The following SYTL3 variants were observed in gnomAD, a reference collection of about 807,000 sequenced individuals.
SYTL3 encodes synaptotagmin-like protein 3.
Under a neutral mutation model 82.1 loss-of-function variants are expected in SYTL3, and 88 were observed. That is an observed-to-expected ratio of 1.07 (90% CI 0.90 to 1.28). SYTL3 has a LOEUF of 1.28. Ranked by LOEUF, SYTL3 falls within the 50% of genes most tolerant of loss-of-function variation. SYTL3 has a pLI of 0.00. For synonymous variants in SYTL3, 311 were observed against 289.4 expected (o/e 1.07, Z -0.76); for missense variants, 831 against 757.6 (o/e 1.10, Z -1.14).
chr6:158,747,400 C>T (rs768083612), intron 12 of SYTL3, among the ~76,000 whole-genome samples: 28 of 152,200 alleles, frequency 1.8e-4, no homozygotes, highest in Middle Eastern at 3.4e-3. Flanking sequence ...CTTGCTTTGT[C>T]ACCCAGCTTG....
intron 9 of SYTL3, among the ~76,000 whole-genome samples, chr6:158,716,430 C>T (rs1284491474): frequency 6.6e-6 from 1 of 152,166 alleles, no homozygotes; most frequent in Non-Finnish European, 1.5e-5. Flanking sequence ...TAGAGCCCCT[C>T]ACAGCCTCAC....
Position 158,713,846 on chromosome 6 carries a change from A to T in SYTL3, c.563A>T (p.Asn188Ile). 1 of 1,550,818 alleles carries T rather than the reference A, an allele frequency of 6.4e-7. No homozygotes were observed. Among genetic ancestry groups the T allele is most frequent in the Non-Finnish European group, 8.7e-7 (1 of 1,146,864 alleles). The change falls in exon 9 of 18, where the codon AAT (asparagine) becomes ATT (isoleucine). Residue 188 changes from asparagine to isoleucine, a missense_variant. Asn to Ile is a moderately radical substitution (Grantham distance 149). Transcript: ENST00000611299. ...AGAGGATTTAATAAGTCCGTGGAAA[A>T]TTTGTTTCTGTCTCTTGCTACCCAC... Reference protein sequence around the residue: ...QFRGFNKSVENLFLSLATHVK... With the variant: ...QFRGFNKSVEILFLSLATHVK...
At chr6:158,689,978 C>G (rs1426015270) in intron 6 of SYTL3, among the ~76,000 whole-genome samples, 1 of 152,182 alleles carries the variant, frequency 6.6e-6, no homozygotes, top group East Asian at 1.9e-4. Context: ...GAGGCCCTAT[C>G]TAATTTTTTT....
At position 158,763,510 on chromosome 6, in the gene SYTL3, G is replaced by C; in HGVS notation, c.1723+1G>C. On this transcript the variant is annotated splice_donor_variant, in intron 17 of 17. Coordinates refer to ENST00000611299, the MANE Select transcript of SYTL3 (RefSeq NM_001242394.2). LOFTEE classifies it high-confidence loss of function. ...CTTGGAGGAACCAGACTTGGTTCAA[G>C]TAAGTCTGAGACATTGAGCCCAAAC... The C allele has an allele frequency of 6.2e-7, 1 of 1,612,962 alleles. No homozygotes were observed. The highest frequency in any genetic ancestry group is 8.5e-7 in the Non-Finnish European group (1 of 1,178,974).
intron 6 of SYTL3, among the ~76,000 whole-genome samples, chr6:158,698,390 C>G (rs553816502): frequency 1.9e-5 from 2 of 106,360 alleles, no homozygotes; most frequent in African/African-American, 8.4e-5. Flanking sequence ...GAGTGAGACT[C>G]TGTCTCAAAA....
intron 2 of SYTL3, among the ~76,000 whole-genome samples, chr6:158,654,162 TC>T (rs1457847152): frequency 6.6e-6 from 1 of 152,152 alleles, no homozygotes; most frequent in Non-Finnish European, 1.5e-5. Context: ...CCCTCCCTGG[TC>T]CCACCAGCCC....
intron 12 of SYTL3, among the ~76,000 whole-genome samples, chr6:158,751,689 G>A (rs1788404381): frequency 6.6e-6 from 1 of 152,280 alleles, no homozygotes; most frequent in African/African-American, 2.4e-5. Flanking sequence ...ACACCCCCAG[G>A]AATATTCCAG....
intron 14 of SYTL3, among the ~76,000 whole-genome samples, chr6:158,760,218 C>T (rs1013145697): frequency 6.6e-6 from 1 of 152,214 alleles, no homozygotes; most frequent in Non-Finnish European, 1.5e-5. Flanking sequence ...CATGCTGTCC[C>T]CAGTGTCTGT....
At chr6:158,730,457 A>C (rs998293276) in intron 11 of SYTL3, among the ~76,000 whole-genome samples, 1 of 152,236 alleles carries the variant, frequency 6.6e-6, no homozygotes, top group Non-Finnish European at 1.5e-5. Flanking sequence ...GTTTCTAAAT[A>C]AACATTTTAC....
intron 10 of SYTL3, among the ~76,000 whole-genome samples, chr6:158,721,174 GC>G (rs1784069834): frequency 6.6e-6 from 1 of 152,136 alleles, no homozygotes; most frequent in Non-Finnish European, 1.5e-5. Flanking sequence ...CTTTCTGCAG[GC>G]CTTCTCTCTC....
In SYTL3 at chr6:158,682,999, C is replaced by G. The variant is rs1313544065; in HGVS notation, c.394+10C>G. 3.2e-6 allele frequency: 5 copies of G among 1,586,226 alleles called. No homozygotes were observed. The South Asian group carries it at 3.3e-5, about 11-fold the overall frequency. On this transcript the variant is annotated intron_variant, in intron 6 of 17. Transcript: ENST00000611299. ...AAATTTCCAACTGGAGGTAAATGCT[C>G]TTTACTTTTTTAGTAAAGTAAAATG...
chr6:158,649,685 G>C (rs1462154477), upstream of SYTL3, among the ~76,000 whole-genome samples: 1 of 152,206 alleles, frequency 6.6e-6, no homozygotes, highest in Non-Finnish European at 1.5e-5. Context: ...GCTGTTCTTT[G>C]AGATGTGGTT....
intron 13 of SYTL3, among the ~76,000 whole-genome samples, chr6:158,755,273 G>A (rs1788918965): frequency 6.6e-6 from 1 of 152,160 alleles, no homozygotes; most frequent in South Asian, 2.1e-4. Context: ...AGCCTGGGAG[G>A]TGCAGGCTGC....
intron 14 of SYTL3, among the ~76,000 whole-genome samples, chr6:158,760,046 G>A (rs1159464765): frequency 6.6e-6 from 1 of 152,146 alleles, no homozygotes; most frequent in African/African-American, 2.4e-5. Flanking sequence ...ACTGGGAGAA[G>A]GATGGTGTGG....
At chr6:158,695,362 A>G (rs2128429331) in intron 6 of SYTL3, among the ~76,000 whole-genome samples, 1 of 151,462 alleles carries the variant, frequency 6.6e-6, no homozygotes, top group South Asian at 2.1e-4. Flanking sequence ...TGAAGGATTC[A>G]TGTGTTCATA....
At chr6:158,660,672 C>T (rs1048383156) in intron 2 of SYTL3, among the ~76,000 whole-genome samples, 11 of 152,194 alleles carry the variant, frequency 7.2e-5, no homozygotes, top group African/African-American at 2.7e-4. Context: ...ACCTGGAGTA[C>T]TGGAGACCAG....
In SYTL3 at chr6:158,752,100, A is replaced by G. The variant is rs959842671; in HGVS notation, c.1137+70A>G. The G allele has an allele frequency of 3.8e-6, 4 of 1,052,776 alleles. No individual in the cohort carries two copies. In the African/African-American group the frequency reaches 6.6e-5, roughly 17 times the overall value. The allele number at this position is 1,052,776 out of a possible 1,614,324, so 65.2% of individuals were successfully genotyped here. A position where few individuals can be genotyped will look rare whatever the true frequency, so the allele number is the denominator to read the frequency against. On this transcript the variant is annotated intron_variant, in intron 13 of 17. Coordinates refer to ENST00000611299, the MANE Select transcript of SYTL3 (RefSeq NM_001242394.2). ...GGGTGGAGCGCCTGGGGCAGAGTCC[A>G]GTGGATGGTGCTTTCAAACTCTTGA... is the stretch of plus-strand genomic sequence containing the variant.
rs146595802 is a variant in SYTL3 at position 158,665,435 on chromosome 6, G to A, written c.151G>A (p.Ala51Thr). The A allele has an allele frequency of 1.2e-6, 2 of 1,607,480 alleles. No individual in the cohort carries two copies. The highest frequency in any genetic ancestry group is 2.2e-5 in the East Asian group (1 of 44,642). ...CCTGCAGCATCTCCGGTGGAAAGGA[G>A]CGAAGAACACGGACTGGGAGCACAA... is the stretch of plus-strand genomic sequence containing the variant. ...THLQHLRWKGAKNTDWEHKEK... is the reference protein window; with the variant it reads ...THLQHLRWKGTKNTDWEHKEK... The change falls in exon 5 of 18, where the codon GCG becomes ACG. Residue 51 changes from alanine (A) to threonine (T), a missense_variant. Physicochemically the swap from Ala to Thr is moderately conservative, Grantham distance 58 (BLOSUM62 0). Transcript: ENST00000611299.
At chr6:158,735,072 C>T (rs923568418) in intron 11 of SYTL3, among the ~76,000 whole-genome samples, 1 of 152,128 alleles carries the variant, frequency 6.6e-6, no homozygotes, top group Non-Finnish European at 1.5e-5. Context: ...TGTACTCTTA[C>T]ATTGAGCAGT....
Sources: allele counts gnomAD v4.1 joint callset (sites outside exome capture counted in the v4.1 genomes callset), GRCh38; gene constraint gnomAD v4.1.1; transcripts MANE v1.5; gene names NCBI Gene and HGNC (gene_info 2026-07-23, HGNC 2026-07-21).